Variants in GLIS3 observed in about 807,000 individuals in gnomAD.
GLIS3 encodes the protein GLIS family zinc finger 3, also known as zinc finger protein GLIS3.
Under a neutral mutation model 78.6 loss-of-function variants are expected in GLIS3, and 53 were observed. The observed-to-expected ratio is 0.67, with a 90% confidence interval of 0.54 to 0.85. The LOEUF (loss-of-function observed/expected upper bound fraction) is 0.85, where lower values mean the gene tolerates loss of function less well. GLIS3 is among the 40% of genes least tolerant of loss of function. The probability of loss-of-function intolerance (pLI) is 0.00; values close to 1 mark genes in which losing one functional copy is unlikely to be tolerated. For synonymous variants in GLIS3, 684 were observed against 509.9 expected (o/e 1.34, Z -4.60); for missense variants, 1,703 against 1,231.1 (o/e 1.38, Z -5.74).
At chr9:3,845,255 G>C (rs1443853523) in intron 9 of GLIS3, among the ~76,000 whole-genome samples, 7 of 152,102 alleles carry the variant, frequency 4.6e-5, no homozygotes, top group Non-Finnish European at 1.0e-4. Context: ...CAATGACCTG[G>C]AAAGCAAAAG....
At chr9:3,905,937 G>C (rs1487654338) in intron 6 of GLIS3, among the ~76,000 whole-genome samples, 3 of 152,150 alleles carry the variant, frequency 2.0e-5, no homozygotes, top group African/African-American at 7.2e-5. Flanking sequence ...TGCTATTCTA[G>C]ATGTGGAGGT....
chr9:4,237,428 A>T (rs1587092276), intron 2 of GLIS3, among the ~76,000 whole-genome samples: 2 of 152,332 alleles, frequency 1.3e-5, no homozygotes, highest in South Asian at 4.1e-4. Context: ...TTTTAACATA[A>T]ATATGCAAAA....
At chr9:4,438,216 A>T in the GLIS3 span, among the ~76,000 whole-genome samples, 2 of 152,240 alleles carry the variant, frequency 1.3e-5, no homozygotes, top group Non-Finnish European at 2.9e-5. Flanking sequence ...AAAAAGTATA[A>T]TAATGAGGCT....
chr9:3,842,421 T>A (rs1449414356), intron 9 of GLIS3, among the ~76,000 whole-genome samples: 2 of 152,086 alleles, frequency 1.3e-5, no homozygotes, highest in African/African-American at 2.4e-5. Context: ...GCAGTGAGCC[T>A]AGATCACACC....
At chr9:4,435,964 A>AAAAC in the GLIS3 span, among the ~76,000 whole-genome samples, 5 of 152,162 alleles carry the variant, frequency 3.3e-5, no homozygotes, top group African/African-American at 9.6e-5. Context: ...AAAACAAAAC[A>AAAAC]AAACAAAACA....
chr9:4,211,345 T>A (rs552478605), intron 2 of GLIS3, among the ~76,000 whole-genome samples: 1 of 152,324 alleles, frequency 6.6e-6, no homozygotes, highest in East Asian at 1.9e-4. Context: ...TCCAGCAGGC[T>A]CCTAAGACAG....
chr9:4,262,697 C>T (rs12684245), intron 2 of GLIS3, among the ~76,000 whole-genome samples: 31,068 of 152,008 alleles, frequency 0.2, 3,770 homozygotes, highest in South Asian at 0.45. Flanking sequence ...TGCTGCTGGG[C>T]ACTATGCAGC....
At chr9:4,261,064 A>G (rs899814602) in intron 2 of GLIS3, among the ~76,000 whole-genome samples, 3 of 152,240 alleles carry the variant, frequency 2.0e-5, no homozygotes, top group Admixed American at 6.5e-5. Flanking sequence ...GAGATGTTTA[A>G]GCCCAAGCAG....
At chr9:4,151,140 G>C (rs1834644788) in intron 2 of GLIS3, 1 of 152,134 alleles carries the variant, frequency 6.6e-6, no homozygotes, top group South Asian at 2.1e-4. Flanking sequence ...ACTGTGCCTA[G>C]AGATCGACTC....
chr9:3,908,783 T>A (rs1966886), intron 6 of GLIS3, among the ~76,000 whole-genome samples: 2,672 of 137,278 alleles, frequency 0.019, 82 homozygotes, highest in African/African-American at 0.07. Context: ...GATGGAAATT[T>A]TACTCCCGTC....
chr9:3,987,936 C>T (rs561647270), intron 4 of GLIS3, among the ~76,000 whole-genome samples: 26 of 151,976 alleles, frequency 1.7e-4, no homozygotes, highest in Non-Finnish European at 3.5e-4. Context: ...AAAAACGATA[C>T]ATGAACATCA....
chr9:4,193,600 T>C (rs1232679060), intron 2 of GLIS3, among the ~76,000 whole-genome samples: 2 of 152,276 alleles, frequency 1.3e-5, no homozygotes, highest in African/African-American at 2.4e-5. Context: ...TTCAATAACA[T>C]AGGGTACAAA....
chr9:4,216,410 G>A (rs1820844431), intron 2 of GLIS3, among the ~76,000 whole-genome samples: 3 of 139,380 alleles, frequency 2.2e-5, no homozygotes, highest in Admixed American at 1.4e-4. Context: ...AGTGAGAAAG[G>A]CGGAGCTTGC....
At chr9:4,389,372 C>T in the GLIS3 span, among the ~76,000 whole-genome samples, 8 of 152,108 alleles carry the variant, frequency 5.3e-5, no homozygotes, top group South Asian at 2.1e-4. Flanking sequence ...CAATGTAGGG[C>T]GTGACATGAC....
At chr9:4,048,521 G>T (rs182496221) in intron 4 of GLIS3, among the ~76,000 whole-genome samples, 2 of 152,238 alleles carry the variant, frequency 1.3e-5, no homozygotes, top group East Asian at 3.9e-4. Context: ...AGAAACAGCT[G>T]GCTTAACCAC....
intron 7 of GLIS3, among the ~76,000 whole-genome samples, chr9:3,895,284 C>A (rs80080451): frequency 0.018 from 2,782 of 152,302 alleles, 86 homozygotes; most frequent in African/African-American, 0.06. Context: ...TCTAAATTTA[C>A]AGGCCTGGCC....
chr9:3,845,293 C>A (rs1365883118), intron 9 of GLIS3, among the ~76,000 whole-genome samples: 2 of 152,098 alleles, frequency 1.3e-5, no homozygotes, highest in East Asian at 3.8e-4. Flanking sequence ...TTAAAAAAAT[C>A]AAGTCATAAA....
intron 4 of GLIS3, among the ~76,000 whole-genome samples, chr9:3,972,623 T>C (rs1435635738): frequency 6.6e-6 from 1 of 152,150 alleles, no homozygotes; most frequent in Non-Finnish European, 1.5e-5. Context: ...TAAGCCATCT[T>C]TAGGCACTTT....
chr9:4,197,612 G>A (rs1197696375), intron 2 of GLIS3, among the ~76,000 whole-genome samples: 1 of 152,150 alleles, frequency 6.6e-6, no homozygotes, highest in African/African-American at 2.4e-5. Flanking sequence ...GGAAGTGTAG[G>A]CAAACCTGCC....
Sources: allele counts gnomAD v4.1 joint callset (sites outside exome capture counted in the v4.1 genomes callset), GRCh38; gene constraint gnomAD v4.1.1; transcripts MANE v1.5; gene names NCBI Gene and HGNC (gene_info 2026-07-23, HGNC 2026-07-21).